The following LRRC4C variants were observed in gnomAD, a reference collection of about 807,000 sequenced individuals.
LRRC4C encodes leucine rich repeat containing 4C.
In LRRC4C, 5 loss-of-function variants were observed where a neutral mutation model predicts 33.6. The ratio of observed to expected loss-of-function variants is 0.15; its 90% CI spans 0.08 to 0.31. LRRC4C has a LOEUF of 0.31. LRRC4C is among the 10% of genes least tolerant of loss of function. LRRC4C has a pLI of 1.00. For missense variants in LRRC4C, 560 were observed against 796.7 expected (o/e 0.70, Z 3.58); for synonymous variants, 329 against 302.0 (o/e 1.09, Z -0.93).
At chr11:40,650,370 C>T (rs1454960925) in intron 2 of LRRC4C, among the ~76,000 whole-genome samples, 1 of 152,094 alleles carries the variant, frequency 6.6e-6, no homozygotes, top group African/African-American at 2.4e-5. Flanking sequence ...TGAAAAAGGG[C>T]CAGTCATCCT....
intron 4 of LRRC4C, among the ~76,000 whole-genome samples, chr11:40,248,985 T>C (rs1345071208): frequency 6.6e-6 from 1 of 152,150 alleles, no homozygotes; most frequent in African/African-American, 2.4e-5. Flanking sequence ...GAGTACCTGA[T>C]ACCCAAGAGT....
rs1055691012 is a variant in LRRC4C at position 40,114,225 on chromosome 11, A to G, written c.*145T>C. ...TTTGTCTGCTTTAGATCACAATAGAATTTTTAATAAATAAATTTCTTTTCT... is the reference window on the plus strand; with the variant it reads ...TTTGTCTGCTTTAGATCACAATAGAGTTTTTAATAAATAAATTTCTTTTCT... On this transcript the variant is annotated 3_prime_UTR_variant, in exon 7 of 7. Transcript: ENST00000528697. 1.0e-6 allele frequency: 1 copy of G among 970,446 alleles called. No individual in the cohort carries two copies. The highest frequency in any genetic ancestry group is 1.5e-6 in the Non-Finnish European group (1 of 688,192). 60.1% of individuals were successfully genotyped at this position (970,446 alleles called of 1,614,324 possible).
At chr11:40,455,516 G>A (rs1183644234) in intron 3 of LRRC4C, among the ~76,000 whole-genome samples, 2 of 152,178 alleles carry the variant, frequency 1.3e-5, no homozygotes, top group Non-Finnish European at 2.9e-5. Context: ...GGTGAAATGG[G>A]GGGCAGCTAG....
chr11:41,014,999 G>C (rs1366623864), intron 1 of LRRC4C, among the ~76,000 whole-genome samples: 1 of 152,170 alleles, frequency 6.6e-6, no homozygotes, highest in East Asian at 1.9e-4. Context: ...ATTTATTTTA[G>C]TAAAGTGAAG....
chr11:40,158,653 T>C (rs1031823927), intron 5 of LRRC4C, among the ~76,000 whole-genome samples: 8 of 151,988 alleles, frequency 5.3e-5, no homozygotes, highest in Admixed American at 5.2e-4. Flanking sequence ...GCTCTCTGGC[T>C]CTGGATTAGA....
rs11035856 is a variant in LRRC4C, at chr11:40,465,036, G to A, written c.-269-145315C>T. ...ATGCTAAGCAGAAAGAACACAGCTG[G>A]AGGCATCACATACTATTTCAACCTG... On this transcript the variant is annotated intron_variant, in intron 3 of 6. Coordinates refer to ENST00000528697, the MANE Select transcript of LRRC4C (RefSeq NM_001258419.2). Among the ~76,000 whole-genome samples, 836 of 152,116 alleles carry A rather than the reference G, an allele frequency of 5.5e-3. 9 individuals are homozygous for A. The highest frequency in any genetic ancestry group is 8.9e-3 in the Non-Finnish European group (604 of 67,932).
At chr11:41,084,220 G>A (rs2135502424) in intron 1 of LRRC4C, among the ~76,000 whole-genome samples, 1 of 152,208 alleles carries the variant, frequency 6.6e-6, no homozygotes, top group Non-Finnish European at 1.5e-5. Context: ...CAGATCATCT[G>A]GTGTATTGAT....
At chr11:40,289,030 TTAG>T (rs1944022235) in intron 4 of LRRC4C, among the ~76,000 whole-genome samples, 1 of 152,172 alleles carries the variant, frequency 6.6e-6, no homozygotes, top group African/African-American at 2.4e-5. Context: ...TTCTATACTC[TTAG>T]AAGAAAGTCA....
chr11:40,712,833 A>G (rs1016280615), intron 2 of LRRC4C, among the ~76,000 whole-genome samples: 8 of 151,954 alleles, frequency 5.3e-5, no homozygotes, highest in Non-Finnish European at 7.4e-5. Flanking sequence ...CCAAAGTCAT[A>G]TTTATTTCAA....
chr11:40,566,622 G>C (rs571707346), intron 3 of LRRC4C, among the ~76,000 whole-genome samples: 1 of 152,174 alleles, frequency 6.6e-6, no homozygotes, highest in Non-Finnish European at 1.5e-5. Flanking sequence ...GACAAGAAGA[G>C]CTTGGGTCTG....
intron 1 of LRRC4C, among the ~76,000 whole-genome samples, chr11:40,990,231 TTATATATA>T (rs761772952): frequency 0.079 from 6,216 of 78,202 alleles, 183 homozygotes; most frequent in South Asian, 0.13. Flanking sequence ...ATGTCAAGTT[TTATATATA>T]TATATATATA....
chr11:40,582,931 A>G (rs1677967744), intron 3 of LRRC4C, among the ~76,000 whole-genome samples: 1 of 152,144 alleles, frequency 6.6e-6, no homozygotes, highest in Admixed American at 6.5e-5. Flanking sequence ...TTAGAATACT[A>G]CCTCAAACAT....
At chr11:41,192,059 G>A (rs1945973815) in intron 1 of LRRC4C, among the ~76,000 whole-genome samples, 1 of 152,004 alleles carries the variant, frequency 6.6e-6, no homozygotes, top group Non-Finnish European at 1.5e-5. Flanking sequence ...TAGCCACACA[G>A]CACATCACTC....
intron 3 of LRRC4C, among the ~76,000 whole-genome samples, chr11:40,646,938 A>G (rs181435668): frequency 1.4e-4 from 21 of 152,210 alleles, no homozygotes; most frequent in Admixed American, 1.0e-3. Flanking sequence ...TGATATTTCT[A>G]TTGAGTGGCT....
At chr11:41,253,275 A>T (rs1948700068) in intron 1 of LRRC4C, among the ~76,000 whole-genome samples, 2 of 152,078 alleles carry the variant, frequency 1.3e-5, no homozygotes, top group African/African-American at 4.8e-5. Flanking sequence ...CAACCACAGA[A>T]TTCTCTTGGC....
intron 1 of LRRC4C, among the ~76,000 whole-genome samples, chr11:41,023,089 A>G (rs1008358973): frequency 6.6e-6 from 1 of 152,126 alleles, no homozygotes; most frequent in South Asian, 2.1e-4. Context: ...GAAAAATAAA[A>G]TAAATAGAAG....
chr11:40,288,677 T>A (rs1944001929), intron 4 of LRRC4C, among the ~76,000 whole-genome samples: 3 of 152,206 alleles, frequency 2.0e-5, no homozygotes, highest in Non-Finnish European at 4.4e-5. Context: ...TCTTCCTCAT[T>A]CTATATATTC....
chr11:40,509,674 T>C (rs1390959205), intron 3 of LRRC4C, among the ~76,000 whole-genome samples: 2 of 152,134 alleles, frequency 1.3e-5, no homozygotes, highest in African/African-American at 4.8e-5. Context: ...TAATTTTGCG[T>C]AGCATTTTTT....
At chr11:40,769,687 T>C (rs1376514513) in intron 2 of LRRC4C, among the ~76,000 whole-genome samples, 4 of 152,138 alleles carry the variant, frequency 2.6e-5, no homozygotes, top group Non-Finnish European at 5.9e-5. Context: ...ACATCTACCA[T>C]GAACTCATTT....
Sources: allele counts gnomAD v4.1 joint callset (sites outside exome capture counted in the v4.1 genomes callset), GRCh38; gene constraint gnomAD v4.1.1; transcripts MANE v1.5; gene names NCBI Gene and HGNC (gene_info 2026-07-23, HGNC 2026-07-21).